The following FBXL13 variants were observed in gnomAD, a reference collection of about 807,000 sequenced individuals.
FBXL13 encodes the protein F-box and leucine-rich repeat protein 13.
A neutral mutation model predicts 83.6 loss-of-function variants in FBXL13; 67 were observed. The observed-to-expected ratio is 0.80, with a 90% CI of 0.66 to 0.98. The LOEUF (loss-of-function observed/expected upper bound fraction) is 0.98. Ranked by LOEUF, FBXL13 falls within the 50% of genes least tolerant of loss-of-function variation. The pLI is 0.00. For synonymous variants in FBXL13, 272 were observed against 299.5 expected (o/e 0.91, Z 0.95); for missense variants, 822 against 866.5 (o/e 0.95, Z 0.64).
intron 6 of FBXL13, among the ~76,000 whole-genome samples, chr7:102,993,735 C>A (rs1026891010): frequency 5.3e-5 from 8 of 152,124 alleles, no homozygotes; most frequent in Non-Finnish European, 1.0e-4. Flanking sequence ...CATTTCCTAA[C>A]GGGTAAATGA....
chr7:102,967,310 T>C (rs1462466555), intron 7 of FBXL13, among the ~76,000 whole-genome samples: 1 of 149,818 alleles, frequency 6.7e-6, no homozygotes. Context: ...TCTTGCTCTG[T>C]TGCCTAGGCT....
chr7:102,947,802 C>T (rs1822770394), intron 8 of FBXL13, among the ~76,000 whole-genome samples: 1 of 151,970 alleles, frequency 6.6e-6, no homozygotes, highest in Admixed American at 6.6e-5. Flanking sequence ...AAAAAAAACC[C>T]TTTCCTAGTC....
chr7:102,828,299 G>A (rs139382781), intron 18 of FBXL13, among the ~76,000 whole-genome samples: 1,874 of 151,686 alleles, frequency 0.012, 40 homozygotes, highest in African/African-American at 0.042. Flanking sequence ...GGTCCTTCAC[G>A]TCCCTTGTAA....
At chr7:103,010,336 G>GCCA (rs1304765518) in intron 6 of FBXL13, among the ~76,000 whole-genome samples, 1 of 152,088 alleles carries the variant, frequency 6.6e-6, no homozygotes, top group East Asian at 1.9e-4. Context: ...AGCGTCCCCA[G>GCCA]CCACCACCAC....
intron 11 of FBXL13, among the ~76,000 whole-genome samples, chr7:102,903,064 T>C (rs1043985402): frequency 3.3e-5 from 5 of 152,162 alleles, no homozygotes; most frequent in Non-Finnish European, 7.4e-5. Context: ...GAACACAGAA[T>C]GTTTTTCCAA....
intron 1 of FBXL13, among the ~76,000 whole-genome samples, chr7:103,069,820 T>A (rs1368302008): frequency 6.6e-6 from 1 of 152,226 alleles, no homozygotes; most frequent in Non-Finnish European, 1.5e-5. Flanking sequence ...GGCCCACGCC[T>A]GTAATCCCAG....
chr7:103,055,754 G>GA lies in FBXL13; in HGVS notation c.-104-8dup. ...GTATACCACATAACAGTGCCTAGGG[G>GA]AAAAAAGGGAAATGGCATCAATGTT... On this transcript the variant is annotated splice_polypyrimidine_tract_variant and splice_region_variant and intron_variant, in intron 1 of 19. Transcript: ENST00000313221. 3 of 1,179,144 alleles carry GA rather than the reference G, an allele frequency of 2.5e-6. No individual in the cohort carries two copies. The highest frequency in any genetic ancestry group is 1.6e-5 in the African/African-American group (1 of 62,590). The allele number at this position is 1,179,144 out of a possible 1,614,324, so 73.0% of individuals were successfully genotyped here.
chr7:102,999,115 T>C (rs1034568483), intron 6 of FBXL13, among the ~76,000 whole-genome samples: 4 of 142,324 alleles, frequency 2.8e-5, no homozygotes, highest in African/African-American at 1.1e-4. Context: ...TTGTTGAGGG[T>C]TTTTTTTTTA....
At chr7:102,924,672 C>T (rs1004193349) in intron 10 of FBXL13, among the ~76,000 whole-genome samples, 1 of 129,030 alleles carries the variant, frequency 7.8e-6, no homozygotes, top group African/African-American at 2.8e-5. Flanking sequence ...GATGGGGTCT[C>T]GCTCTGTCGC....
chr7:103,002,288 A>G (rs1274712244), intron 6 of FBXL13, among the ~76,000 whole-genome samples: 1 of 152,188 alleles, frequency 6.6e-6, no homozygotes, highest in Non-Finnish European at 1.5e-5. Context: ...CAAAGTAAAA[A>G]ACTTTAAAAC....
At chr7:102,864,744 G>A (rs1009991097) in intron 16 of FBXL13, among the ~76,000 whole-genome samples, 1 of 146,616 alleles carries the variant, frequency 6.8e-6, no homozygotes, top group Non-Finnish European at 1.5e-5. Flanking sequence ...CAAATCTTAT[G>A]TCAGAATTCA....
At chr7:103,024,731 T>C (rs1793655336) in intron 6 of FBXL13, among the ~76,000 whole-genome samples, 1 of 148,568 alleles carries the variant, frequency 6.7e-6, no homozygotes, top group Non-Finnish European at 1.5e-5. Flanking sequence ...AGGTAATTTG[T>C]AAAGGAAGAA....
At chr7:103,021,927 C>T (rs1793228140) in intron 6 of FBXL13, among the ~76,000 whole-genome samples, 1 of 152,138 alleles carries the variant, frequency 6.6e-6, no homozygotes, top group East Asian at 1.9e-4. Flanking sequence ...TGTGGTGATT[C>T]CTCAAGGATC....
chr7:102,919,069 A>G (rs890067092), intron 10 of FBXL13, among the ~76,000 whole-genome samples: 1 of 152,200 alleles, frequency 6.6e-6, no homozygotes, highest in South Asian at 2.1e-4. Context: ...GCCAGCTTGC[A>G]CAGCTCATGG....
intron 2 of FBXL13, among the ~76,000 whole-genome samples, chr7:103,054,584 G>C (rs1797154892): frequency 6.6e-6 from 1 of 152,130 alleles, no homozygotes; most frequent in Non-Finnish European, 1.5e-5. Context: ...GCTGGTACCA[G>C]TTTTCAGTAA....
At chr7:102,812,997 C>T (rs951332717), downstream of FBXL13, among the ~76,000 whole-genome samples, 4 of 152,006 alleles carry the variant, frequency 2.6e-5, no homozygotes, top group South Asian at 2.1e-4. Context: ...CGCCCACCAC[C>T]ACACCCGGCT....
At chr7:102,942,290 G>T in intron 8 of FBXL13, 1 of 1,597,126 alleles carries the variant, frequency 6.3e-7, no homozygotes, top group Non-Finnish European at 8.5e-7. Flanking sequence ...TATATTTCAG[G>T]GTCTTTGAGA....
At chr7:102,954,967 A>G (rs1188714348) in intron 8 of FBXL13, among the ~76,000 whole-genome samples, 3 of 152,184 alleles carry the variant, frequency 2.0e-5, no homozygotes, top group South Asian at 2.1e-4. Flanking sequence ...CCCACTGTCA[A>G]TATTAGATAG....
chr7:102,822,126 C>G (rs80080521), exon 19 of FBXL13: 3 of 1,614,196 alleles, frequency 1.9e-6, no homozygotes, highest in South Asian at 1.1e-5. Flanking sequence ...GGTCAGTAAG[C>G]AAGACACAAC....
Sources: gnomAD v4.1 joint callset for allele counts (sites outside exome capture counted in the v4.1 genomes callset) on GRCh38, gnomAD v4.1.1 for gene constraint, MANE v1.5 for transcripts, NCBI Gene and HGNC (gene_info 2026-07-23, HGNC 2026-07-21) for gene names.